The following PDS5A variants were observed in gnomAD, a reference collection of about 807,000 sequenced individuals.
The protein encoded by PDS5A is PDS5 cohesin associated factor A, also known as sister chromatid cohesion protein PDS5 homolog A.
Under a neutral mutation model 167.1 loss-of-function variants are expected in PDS5A, and 42 were observed. The ratio of observed to expected loss-of-function variants is 0.25; its 90% CI spans 0.20 to 0.33. The LOEUF is 0.33. Among genes scored for constraint, PDS5A ranks in the 10% least tolerant of loss-of-function variants. The probability of loss-of-function intolerance (pLI) is 1.00; values close to 1 mark genes in which losing one functional copy is unlikely to be tolerated. For missense variants in PDS5A, 1,033 were observed against 1,605.9 expected, an observed-to-expected ratio of 0.64 and a Z score of 6.10; for synonymous variants, 553 against 554.6, an observed-to-expected ratio of 1.00 and a Z score of 0.04.
chr4:39,975,044 G>A (rs1405024626), intron 2 of PDS5A, among the ~76,000 whole-genome samples: 1 of 149,964 alleles, frequency 6.7e-6, no homozygotes, highest in East Asian at 2.0e-4. Flanking sequence ...GGAGGTGGAG[G>A]TTGCAGTGGG....
Position 39,824,132 on chromosome 4 carries a change from T to C in PDS5A, c.*1353A>G, listed in dbSNP as rs1461206102. The C allele has an allele frequency of 8.5e-5, 13 of 152,222 alleles. No individual in the cohort carries two copies. Among genetic ancestry groups the C allele is most frequent in the Admixed American group, 6.5e-5 (1 of 15,274 alleles). The allele number at this position is 152,222 out of a possible 1,614,324, so 9.4% of individuals were successfully genotyped here. On this transcript the variant is annotated 3_prime_UTR_variant, in exon 33 of 33. Transcript: ENST00000303538. ...TGGACATGAGAAAAGACAAATTTCA[T>C]GTTCCTCCAGAATCAGGTCTTACAT...
At chr4:39,871,206 G>A (rs756891424) in intron 21 of PDS5A, among the ~76,000 whole-genome samples, 17 of 152,104 alleles carry the variant, frequency 1.1e-4, no homozygotes, top group Non-Finnish European at 2.4e-4. Flanking sequence ...GATGGATGGG[G>A]TGGTGATGAT....
intron 17 of PDS5A, among the ~76,000 whole-genome samples, chr4:39,881,779 A>C (rs978752614): frequency 7.9e-5 from 12 of 152,206 alleles, no homozygotes; most frequent in Non-Finnish European, 1.5e-4. Context: ...CATATTAATG[A>C]AATCATACAA....
chr4:39,952,234 G>C (rs530441488), intron 2 of PDS5A, among the ~76,000 whole-genome samples: 1 of 152,302 alleles, frequency 6.6e-6, no homozygotes, highest in South Asian at 2.1e-4. Context: ...AGGAGGCCGA[G>C]GCAGGAGAAC....
intron 2 of PDS5A, 113 bp downstream of exon 2, chr4:39,976,327 G>A (rs192382924): frequency 1.7e-5 from 12 of 718,160 alleles, no homozygotes; most frequent in African/African-American, 3.5e-5. Context: ...CCTTTCAGAG[G>A]GGGTAAGAGA....
At chr4:39,862,417 C>T (rs1719076618) in intron 25 of PDS5A, 84 bp from the exon 26 acceptor site, 2 of 575,774 alleles carry the variant, frequency 3.5e-6, no homozygotes, top group Admixed American at 6.4e-5. Context: ...TCATTTTTTC[C>T]CTCAGTTATT....
intron 2 of PDS5A, among the ~76,000 whole-genome samples, chr4:39,962,136 C>A (rs1310556306): frequency 1.3e-5 from 2 of 152,020 alleles, no homozygotes; most frequent in Non-Finnish European, 2.9e-5. Context: ...CAGCTCACTG[C>A]AAGCTCCGCC....
chr4:39,869,570 A>T (rs2109564633), intron 21 of PDS5A, 108 bp from the exon 22 acceptor site: 1 of 711,546 alleles, frequency 1.4e-6, no homozygotes, highest in Non-Finnish European at 2.5e-6. Flanking sequence ...AACCTACGGG[A>T]ACATCACCAA....
intron 2 of PDS5A, among the ~76,000 whole-genome samples, chr4:39,949,755 G>A (rs1236690842): frequency 1.4e-5 from 2 of 140,324 alleles, no homozygotes; most frequent in African/African-American, 5.2e-5. Flanking sequence ...AACTTGCAGG[G>A]GCCAGGGCTG....
intron 16 of PDS5A, among the ~76,000 whole-genome samples, chr4:39,895,788 G>C (rs1253148159): frequency 1.3e-5 from 2 of 152,096 alleles, no homozygotes; most frequent in Non-Finnish European, 1.5e-5. Flanking sequence ...CATGATCTCA[G>C]CTCATTACAA....
chr4:39,885,549 C>T (rs1004760376), intron 17 of PDS5A, among the ~76,000 whole-genome samples: 1 of 151,860 alleles, frequency 6.6e-6, no homozygotes, highest in Non-Finnish European at 1.5e-5. Flanking sequence ...GAGCCAGGAT[C>T]GTGCATTTCA....
intron 2 of PDS5A, among the ~76,000 whole-genome samples, chr4:39,943,123 TACACACAC>T (rs35361618): frequency 0.091 from 13,210 of 144,802 alleles, 581 homozygotes; most frequent in Non-Finnish European, 0.11. Flanking sequence ...ACTATGCAAA[TACACACAC>T]ACACACACAC....
chr4:39,938,672 G>T (rs1263661229), intron 2 of PDS5A, among the ~76,000 whole-genome samples: 1 of 151,840 alleles, frequency 6.6e-6, no homozygotes, highest in Non-Finnish European at 1.5e-5. Context: ...ACTGTATAAT[G>T]AAATACTATA....
chr4:39,961,539 G>C (rs544297066), intron 2 of PDS5A, among the ~76,000 whole-genome samples: 34 of 152,250 alleles, frequency 2.2e-4, no homozygotes, highest in Non-Finnish European at 4.4e-4. Flanking sequence ...GAGATTACAA[G>C]TATGAGCCAC....
intron 11 of PDS5A, among the ~76,000 whole-genome samples, chr4:39,908,069 A>G (rs1311287449): frequency 6.6e-6 from 1 of 152,222 alleles, no homozygotes; most frequent in Non-Finnish European, 1.5e-5. Context: ...AATGTTAACT[A>G]TAAGAATAGA....
At chr4:39,893,037 CTGAG>C in intron 16 of PDS5A, among the ~76,000 whole-genome samples, 1 of 152,188 alleles carries the variant, frequency 6.6e-6, no homozygotes, top group East Asian at 1.9e-4. Context: ...CTTGAAAATA[CTGAG>C]TAACTTACTA....
At position 39,890,281 on chromosome 4, in the gene PDS5A, G is replaced by A. The variant is rs745341670; in HGVS notation, c.1854C>T (p.Ile618=). The A allele has an allele frequency of 6.4e-6, 10 of 1,574,478 alleles. No homozygotes were observed. The highest frequency in any genetic ancestry group is 8.6e-6 in the Non-Finnish European group (10 of 1,156,978). ...LEMVKFLLER[I]APVHIDSEAI... ...CTTCTGAATCAATGTGCACAGGTGC[G>A]ATTCTTTCCAACAGAAATTTGACCA... Residue 618 remains isoleucine, a synonymous_variant, in exon 17 of 33, where the codon ATC becomes ATT. Transcript: ENST00000303538.
chr4:39,880,060 A>G (rs1239501175), intron 17 of PDS5A, among the ~76,000 whole-genome samples: 1 of 152,186 alleles, frequency 6.6e-6, no homozygotes, highest in African/African-American at 2.4e-5. Flanking sequence ...TAACAAAACT[A>G]AAATTAAATG....
chr4:39,909,789 T>G (rs1373546421), intron 10 of PDS5A, among the ~76,000 whole-genome samples: 1 of 152,220 alleles, frequency 6.6e-6, no homozygotes, highest in East Asian at 1.9e-4. Context: ...TGAAAAATTC[T>G]AGTCTAGTGC....
Sources: gnomAD v4.1 joint callset for allele counts (sites outside exome capture counted in the v4.1 genomes callset) on GRCh38, gnomAD v4.1.1 for gene constraint, MANE v1.5 for transcripts, NCBI Gene and HGNC (gene_info 2026-07-23, HGNC 2026-07-21) for gene names.